CFH: variants seen among roughly 807,000 people sequenced by gnomAD.
The protein encoded by CFH is H factor 1 (complement).
CFH carries 53 observed loss-of-function variants against 147.3 expected under a neutral mutation model. The observed-to-expected ratio is 0.36, with a 90% CI of 0.29 to 0.45. CFH has a LOEUF of 0.45. Ranked by LOEUF, CFH falls within the 20% of genes least tolerant of loss-of-function variation. The pLI, the probability that CFH is intolerant of heterozygous loss-of-function variation, is 1.00. For missense variants in CFH, 1,380 were observed against 1,498.0 expected (o/e 0.92, Z 1.30); for synonymous variants, 536 against 489.4 (o/e 1.10, Z -1.26).
chr1:196,652,212 T>A, intron 1 of CFH, 37 bp downstream of exon 1: 1 of 1,473,402 alleles, frequency 6.8e-7, no homozygotes, highest in Non-Finnish European at 9.5e-7. Flanking sequence ...AAAACTGTAT[T>A]ATGAAACATT....
Position 196,745,787 on chromosome 1 carries a change from C to T in CFH, c.3311-30C>T, listed in dbSNP as rs36082199. The T allele has an allele frequency of 2.7e-3, 4,297 of 1,613,644 alleles. 81 individuals are homozygous for T. In the African/African-American group the frequency reaches 0.046, roughly 17 times the overall value. ...CTTGTATTTTGATTTGCTCTCACAA[C>T]AAATCAAGTGATGAAATGATGTTTT... On this transcript the variant is annotated intron_variant, in intron 20 of 21. Coordinates refer to ENST00000367429, the MANE Select transcript of CFH (RefSeq NM_000186.4).
rs1667462522 is a variant in CFH, at chr1:196,676,551, C to T, written c.427+486C>T. The stretch of plus-strand genomic sequence containing the variant: ...ACTAAGGGCGAGCTCTGTTATTTCT[C>T]ACTGGTCTGTAAAGCAAACAGTGAA... On this transcript the variant is annotated intron_variant, in intron 4 of 21. Coordinates refer to ENST00000367429, the MANE Select transcript of CFH (RefSeq NM_000186.4). Among the ~76,000 whole-genome samples, 3 of 152,012 alleles carry T rather than the reference C, an allele frequency of 2.0e-5. No homozygotes were observed. In the South Asian group the frequency reaches 6.2e-4, roughly 31 times the overall value.
intron 9 of CFH, among the ~76,000 whole-genome samples, chr1:196,698,565 A>C (rs1002968288): frequency 2.0e-5 from 3 of 152,216 alleles, no homozygotes; most frequent in African/African-American, 7.2e-5. Context: ...ACAAGTTCTG[A>C]AATTGTGGTA....
intron 7 of CFH, among the ~76,000 whole-genome samples, chr1:196,687,738 T>A (rs1244214215): frequency 6.6e-6 from 1 of 152,012 alleles, no homozygotes; most frequent in East Asian, 1.9e-4. Context: ...ATAGAAAATA[T>A]TCCAAATCTT....
intron 1 of CFH, among the ~76,000 whole-genome samples, chr1:196,662,514 G>A (rs1047606314): frequency 1.3e-5 from 2 of 151,770 alleles, no homozygotes; most frequent in African/African-American, 4.8e-5. Flanking sequence ...TTATATTTAG[G>A]ATCAGTTTCA....
At chr1:196,658,219 G>A (rs1172865829) in intron 1 of CFH, among the ~76,000 whole-genome samples, 2 of 151,368 alleles carry the variant, frequency 1.3e-5, no homozygotes, top group Admixed American at 1.3e-4. Flanking sequence ...CTTAATTCAT[G>A]GGCTAAAAAA....
chr1:196,714,722 G>A (rs1454395347), intron 10 of CFH, among the ~76,000 whole-genome samples: 2 of 132,324 alleles, frequency 1.5e-5, no homozygotes, highest in Admixed American at 1.5e-4. Flanking sequence ...GAGAGAGATG[G>A]AGTCTTGCTC....
At chr1:196,696,729 G>A (rs1668285964) in intron 9 of CFH, among the ~76,000 whole-genome samples, 1 of 152,182 alleles carries the variant, frequency 6.6e-6, no homozygotes, top group Non-Finnish European at 1.5e-5. Flanking sequence ...AAAGCTGGAG[G>A]CATCATGCTA....
At chr1:196,724,287 G>C (rs925324082) in intron 11 of CFH, among the ~76,000 whole-genome samples, 6 of 151,974 alleles carry the variant, frequency 3.9e-5, no homozygotes, top group Non-Finnish European at 8.8e-5. Context: ...TGGGGACAGA[G>C]GGCTGAGGTT....
intron 9 of CFH, chr1:196,692,373 C>A: frequency 1.2e-6 from 1 of 828,236 alleles, no homozygotes; most frequent in Non-Finnish European, 1.5e-6. Flanking sequence ...TTTTTCTTCA[C>A]AGATTAATTG....
At chr1:196,722,037 T>C (rs1669013206) in intron 11 of CFH, among the ~76,000 whole-genome samples, 1 of 152,070 alleles carries the variant, frequency 6.6e-6, no homozygotes, top group African/African-American at 2.4e-5. Context: ...TTTAATCTAT[T>C]TATGTTAAAA....
At chr1:196,722,247 G>T (rs1669018114) in intron 11 of CFH, among the ~76,000 whole-genome samples, 1 of 152,006 alleles carries the variant, frequency 6.6e-6, no homozygotes, top group African/African-American at 2.4e-5. Context: ...TTCCTAAAGT[G>T]GATTTCTAGT....
rs1033110932 is a variant in CFH, at chr1:196,652,316, T to G, written c.58+141T>G. ...TTGACAATTGAGTGGCTTTTGACAT[T>G]GTTGAGTTTAAAAAATGTAAGAACC... On this transcript the variant is annotated intron_variant, in intron 1 of 21. Coordinates refer to ENST00000367429, the MANE Select transcript of CFH (RefSeq NM_000186.4). 35 of 630,752 alleles carry G rather than the reference T, an allele frequency of 5.5e-5. 1 individual carries two copies. Among genetic ancestry groups the G allele is most frequent in the South Asian group, 3.9e-5 (2 of 51,634 alleles). The allele number at this position is 630,752 out of a possible 1,614,324, so 39.1% of individuals were successfully genotyped here. A position where few individuals can be genotyped will look rare whatever the true frequency, so the allele number is the denominator to read the frequency against.
rs35700477 is a variant in CFH, at chr1:196,737,916, G to A, written c.2782+256G>A. ...TTAAACCTATCTGTATTATTCTCAT[G>A]CTGCCATAAAGAACTGCCCAATACT... On this transcript the variant is annotated intron_variant, in intron 17 of 21. Transcript: ENST00000367429. Among the ~76,000 whole-genome samples the A allele has an allele frequency of 3.7e-3, 566 of 152,136 alleles. 2 individuals carry two copies. Among genetic ancestry groups the A allele is most frequent in the African/African-American group, 0.013 (547 of 41,476 alleles).
At chr1:196,682,899 A>G (rs564141830) in intron 6 of CFH, among the ~76,000 whole-genome samples, 1 of 151,750 alleles carries the variant, frequency 6.6e-6, no homozygotes, top group Non-Finnish European at 1.5e-5. Flanking sequence ...AACGAAGTAT[A>G]AACTTAGGAG....
At chr1:196,684,341 T>C (rs755825681) in intron 6 of CFH, among the ~76,000 whole-genome samples, 22 of 152,134 alleles carry the variant, frequency 1.4e-4, no homozygotes, top group African/African-American at 5.3e-4. Flanking sequence ...CCAAACCCTC[T>C]GCTATTTTAT....
chr1:196,738,857 C>T (rs1456982814), intron 17 of CFH, among the ~76,000 whole-genome samples: 1 of 152,192 alleles, frequency 6.6e-6, no homozygotes, highest in Non-Finnish European at 1.5e-5. Flanking sequence ...ATTTCCTTTC[C>T]TCAATGGCCT....
At chr1:196,677,357 TA>T in intron 4 of CFH, 118 bp from the exon 5 acceptor site, 3 of 935,128 alleles carry the variant, frequency 3.2e-6, no homozygotes, top group Non-Finnish European at 5.0e-6. Context: ...CAAATGCTTC[TA>T]AAAATAATTT....
rs190520499 is a variant in CFH, at chr1:196,711,326, C to T, written c.1337-2409C>T. Among the ~76,000 whole-genome samples the T allele has an allele frequency of 2.2e-3, 333 of 152,230 alleles. 2 individuals are homozygous for T. Among genetic ancestry groups the T allele is most frequent in the South Asian group, 1.0e-2 (48 of 4,822 alleles). ...GGTATTTAGTGACACCAATTTATTT[C>T]ATACTGCTCTAGTGCCATTCCACAA... On this transcript the variant is annotated intron_variant, in intron 9 of 21. Coordinates refer to ENST00000367429, the MANE Select transcript of CFH (RefSeq NM_000186.4).
Sources: allele counts gnomAD v4.1 joint callset (sites outside exome capture counted in the v4.1 genomes callset), GRCh38; gene constraint gnomAD v4.1.1; transcripts MANE v1.5; gene names NCBI Gene and HGNC (gene_info 2026-07-23, HGNC 2026-07-21).